PARD3: variants seen among roughly 807,000 people sequenced by gnomAD.
PARD3 encodes par-3 family cell polarity regulator.
In PARD3, 75 loss-of-function variants were observed where a neutral mutation model predicts 155.4. That is an observed-to-expected ratio of 0.48 (90% CI 0.40 to 0.58). The LOEUF is 0.58. Among genes scored for constraint, PARD3 ranks in the 20% least tolerant of loss-of-function variants. The probability of loss-of-function intolerance (pLI) is 0.00; values close to 1 mark genes in which losing one functional copy is unlikely to be tolerated. For missense variants in PARD3, 1,642 were observed against 1,721.7 expected (o/e 0.95, Z 0.82); for synonymous variants, 576 against 610.5 (o/e 0.94, Z 0.83).
intron 20 of PARD3, among the ~76,000 whole-genome samples, chr10:34,314,588 G>T (rs1287866749): frequency 6.6e-6 from 1 of 152,106 alleles, no homozygotes; most frequent in Non-Finnish European, 1.5e-5. Flanking sequence ...TTGCTCTGCT[G>T]GGAGAAGAAC....
intron 20 of PARD3, among the ~76,000 whole-genome samples, chr10:34,285,038 T>C (rs953379841): frequency 3.3e-5 from 5 of 152,174 alleles, no homozygotes; most frequent in African/African-American, 1.2e-4. Flanking sequence ...TTGGTATCAA[T>C]TCCTTTCCCT....
chr10:34,477,224 A>G (rs1473178890), intron 3 of PARD3, among the ~76,000 whole-genome samples: 2 of 152,194 alleles, frequency 1.3e-5, no homozygotes, highest in African/African-American at 4.8e-5. Flanking sequence ...CTTATCTCAA[A>G]TTTTAGCAAA....
intron 15 of PARD3, among the ~76,000 whole-genome samples, chr10:34,342,931 G>A (rs1402113660): frequency 1.3e-5 from 2 of 152,016 alleles, no homozygotes; most frequent in African/African-American, 2.4e-5. Context: ...GACAAACTAT[G>A]AAAATTAACA....
chr10:34,805,553 A>C (rs929095815), intron 1 of PARD3, among the ~76,000 whole-genome samples: 3 of 147,736 alleles, frequency 2.0e-5, no homozygotes, highest in African/African-American at 7.5e-5. Context: ...ATATATATAT[A>C]TATATATATA....
chr10:34,771,106 A>C (rs1282733995), intron 1 of PARD3, among the ~76,000 whole-genome samples: 1 of 152,242 alleles, frequency 6.6e-6, no homozygotes, highest in Non-Finnish European at 1.5e-5. Flanking sequence ...GTCACTTGAA[A>C]ACATGCAAGC....
chr10:34,429,767 A>G (rs2075810872), intron 5 of PARD3, among the ~76,000 whole-genome samples: 1 of 152,134 alleles, frequency 6.6e-6, no homozygotes, highest in African/African-American at 2.4e-5. Flanking sequence ...TTGTATTTTT[A>G]GTAGAGACAC....
chr10:34,480,994 G>C (rs1005328027), intron 3 of PARD3, among the ~76,000 whole-genome samples: 1 of 151,354 alleles, frequency 6.6e-6, no homozygotes, highest in South Asian at 2.1e-4. Flanking sequence ...TAGAGATGGG[G>C]TTTCACCATG....
At chr10:34,396,725 T>C (rs1454541164) in intron 7 of PARD3, among the ~76,000 whole-genome samples, 1 of 152,180 alleles carries the variant, frequency 6.6e-6, no homozygotes, top group Non-Finnish European at 1.5e-5. Flanking sequence ...TGGAAATTTC[T>C]ACTTACATAT....
At chr10:34,812,081 T>C (rs1291804020) in intron 1 of PARD3, among the ~76,000 whole-genome samples, 1 of 152,184 alleles carries the variant, frequency 6.6e-6, no homozygotes, top group Non-Finnish European at 1.5e-5. Context: ...ACTGAGGACA[T>C]GTCTAGTATT....
chr10:34,230,942 CTT>C (rs1400425918), intron 22 of PARD3, among the ~76,000 whole-genome samples: 3 of 152,024 alleles, frequency 2.0e-5, no homozygotes, highest in Non-Finnish European at 4.4e-5. Flanking sequence ...GGGAAGATCT[CTT>C]GAGTTCAGGA....
intron 2 of PARD3, among the ~76,000 whole-genome samples, chr10:34,563,568 T>C (rs149574452): frequency 0.049 from 7,342 of 150,846 alleles, 259 homozygotes; most frequent in Non-Finnish European, 0.073. Flanking sequence ...TCTTGCTATG[T>C]CACCCAGGAT....
intron 22 of PARD3, among the ~76,000 whole-genome samples, chr10:34,209,416 T>C (rs1239083387): frequency 6.6e-6 from 1 of 152,058 alleles, no homozygotes; most frequent in Non-Finnish European, 1.5e-5. Context: ...AGTAACGGAG[T>C]TTGAGCGAGG....
chr10:34,234,958 C>T (rs1953137668), intron 22 of PARD3, among the ~76,000 whole-genome samples: 1 of 152,198 alleles, frequency 6.6e-6, no homozygotes, highest in South Asian at 2.1e-4. Context: ...CTTAAAAATA[C>T]TAGTCCATGG....
At chr10:34,403,946 A>G (rs970292167) in intron 5 of PARD3, among the ~76,000 whole-genome samples, 1 of 152,172 alleles carries the variant, frequency 6.6e-6, no homozygotes, top group Non-Finnish European at 1.5e-5. Flanking sequence ...CTGAAATGCC[A>G]CCAAGATGTA....
chr10:34,333,438 C>G (rs1835830234), intron 18 of PARD3, among the ~76,000 whole-genome samples: 2 of 152,080 alleles, frequency 1.3e-5, no homozygotes, highest in South Asian at 4.2e-4. Flanking sequence ...CAGAGCATAC[C>G]TACCTATTTG....
chr10:34,469,948 A>G, intron 4 of PARD3, 137 bp downstream of exon 4: 1 of 592,764 alleles, frequency 1.7e-6, no homozygotes, highest in Non-Finnish European at 2.9e-6. Flanking sequence ...TTGATATGAA[A>G]GTTGGTACCA....
At chr10:34,709,741 G>A (rs2094423363) in intron 1 of PARD3, among the ~76,000 whole-genome samples, 1 of 152,166 alleles carries the variant, frequency 6.6e-6, no homozygotes, top group Non-Finnish European at 1.5e-5. Context: ...AACAGAGAGG[G>A]AGAAGGGAAC....
intron 2 of PARD3, among the ~76,000 whole-genome samples, chr10:34,597,718 G>T (rs901280259): frequency 1.3e-5 from 2 of 152,302 alleles, no homozygotes; most frequent in East Asian, 1.9e-4. Context: ...GTAAGCTGGG[G>T]TACACGTGGA....
chr10:34,559,109 ACTTT>A (rs2085259182), intron 2 of PARD3, among the ~76,000 whole-genome samples: 1 of 151,662 alleles, frequency 6.6e-6, no homozygotes, highest in East Asian at 1.9e-4. Flanking sequence ...AAGCACTGTG[ACTTT>A]CTCATTCACC....
Sources: allele counts gnomAD v4.1 joint callset (sites outside exome capture counted in the v4.1 genomes callset), GRCh38; gene constraint gnomAD v4.1.1; transcripts MANE v1.5; gene names NCBI Gene and HGNC (gene_info 2026-07-23, HGNC 2026-07-21).